Variants in LRMDA observed in about 807,000 individuals in gnomAD.
LRMDA encodes the protein leucine rich melanocyte differentiation associated.
LRMDA carries 18 observed loss-of-function variants against 29.8 expected under a neutral mutation model. That is an observed-to-expected ratio of 0.60 (90% CI 0.42 to 0.90). The LOEUF is 0.90. Among genes scored for constraint, LRMDA ranks in the 40% least tolerant of loss-of-function variants. The pLI is 0.00. For synonymous variants in LRMDA, 125 were observed against 109.4 expected, an observed-to-expected ratio of 1.14 and a Z score of -0.89; for missense variants, 273 against 273.9, an observed-to-expected ratio of 1.00 and a Z score of 0.02.
chr10:75,668,433 C>A (rs1052364217), intron 2 of LRMDA, among the ~76,000 whole-genome samples: 1 of 152,128 alleles, frequency 6.6e-6, no homozygotes, highest in Non-Finnish European at 1.5e-5. Flanking sequence ...GAAGTATGGA[C>A]AAGTGCCCAT....
chr10:76,149,791 C>G (rs979792773), intron 5 of LRMDA, among the ~76,000 whole-genome samples: 1 of 152,122 alleles, frequency 6.6e-6, no homozygotes, highest in African/African-American at 2.4e-5. Flanking sequence ...TGCAAATGTC[C>G]CTGGAGGGGG....
intron 6 of LRMDA, among the ~76,000 whole-genome samples, chr10:76,387,672 C>T (rs114746479): frequency 1.2e-3 from 177 of 150,018 alleles, no homozygotes; most frequent in African/African-American, 4.0e-3. Context: ...TCTTTTTAAA[C>T]TTAAATTTAA....
At chr10:75,906,817 T>C (rs1845766640) in intron 2 of LRMDA, among the ~76,000 whole-genome samples, 1 of 152,242 alleles carries the variant, frequency 6.6e-6, no homozygotes. Context: ...AAACACAAGA[T>C]GCTTTACTTC....
chr10:76,006,304 G>C lies in LRMDA; in HGVS notation c.132-29704G>C, dbSNP rs942092. Among the ~76,000 whole-genome samples, 317 of 152,134 alleles carry C rather than the reference G, an allele frequency of 2.1e-3. 3 individuals are homozygous for C. Among genetic ancestry groups the C allele is most frequent in the African/African-American group, 7.5e-3 (312 of 41,474 alleles). On this transcript the variant is annotated intron_variant, in intron 2 of 6. Coordinates refer to ENST00000611255, the MANE Select transcript of LRMDA (RefSeq NM_001305581.2). ...TCAGAGGAGTGAGGGTTTGAACTGA[G>C]TTCAGAAGGAGAGTCAGCCTGAGCT... is the stretch of plus-strand genomic sequence containing the variant.
intron 6 of LRMDA, among the ~76,000 whole-genome samples, chr10:76,552,942 G>A (rs998241218): frequency 2.0e-5 from 3 of 152,270 alleles, no homozygotes; most frequent in Non-Finnish European, 2.9e-5. Context: ...CACTTAGGCA[G>A]CCCCAAGGTT....
At chr10:76,076,345 CAA>C (rs397846101) in intron 5 of LRMDA, among the ~76,000 whole-genome samples, 1 of 50,026 alleles carries the variant, frequency 2.0e-5, no homozygotes, top group Non-Finnish European at 3.5e-5. Context: ...GACTCCATCT[CAA>C]AAAAAAAAAA....
At chr10:76,358,044 C>T (rs567784714) in intron 6 of LRMDA, among the ~76,000 whole-genome samples, 2 of 152,246 alleles carry the variant, frequency 1.3e-5, no homozygotes, top group African/African-American at 2.4e-5. Flanking sequence ...AATCAGAGAC[C>T]GCCATCCCAT....
intron 6 of LRMDA, chr10:76,396,668 T>C (rs1841787972): frequency 6.6e-6 from 1 of 152,180 alleles, no homozygotes; most frequent in Non-Finnish European, 1.5e-5. Flanking sequence ...CCACTAGAAC[T>C]GACTTATGGG....
At chr10:75,494,515 CTTTTT>C (rs34902194) in intron 2 of LRMDA, among the ~76,000 whole-genome samples, 381 of 102,870 alleles carry the variant, frequency 3.7e-3, no homozygotes, top group Non-Finnish European at 4.3e-3. Context: ...ATGTTTGTTC[CTTTTT>C]TTTTTTTTTT....
chr10:75,588,556 C>G (rs554970400), intron 2 of LRMDA, among the ~76,000 whole-genome samples: 87 of 152,212 alleles, frequency 5.7e-4, no homozygotes, highest in African/African-American at 2.0e-3. Flanking sequence ...GCAGGTCTAA[C>G]TCAATTGCGC....
chr10:75,904,811 G>A (rs1157504561), intron 2 of LRMDA, among the ~76,000 whole-genome samples: 1 of 152,186 alleles, frequency 6.6e-6, no homozygotes, highest in Non-Finnish European at 1.5e-5. Flanking sequence ...TGCAAGGACT[G>A]GTGGCAGTTA....
At chr10:76,003,135 T>A (rs1847588988) in intron 2 of LRMDA, among the ~76,000 whole-genome samples, 1 of 152,086 alleles carries the variant, frequency 6.6e-6, no homozygotes, top group Non-Finnish European at 1.5e-5. Context: ...TGCCCAGCAT[T>A]TAGAAAGCCA....
chr10:76,379,677 C>T (rs921273098), intron 6 of LRMDA, among the ~76,000 whole-genome samples: 11 of 151,826 alleles, frequency 7.2e-5, no homozygotes, highest in Admixed American at 2.0e-4. Flanking sequence ...TTTGTTTTAT[C>T]GATACTTTGT....
chr10:75,795,699 C>A (rs1843640959), intron 2 of LRMDA, among the ~76,000 whole-genome samples: 1 of 152,150 alleles, frequency 6.6e-6, no homozygotes, highest in South Asian at 2.1e-4. Context: ...TCTTTTGAAG[C>A]ATCTTTCACC....
At chr10:75,563,758 C>G (rs1354023901) in intron 2 of LRMDA, among the ~76,000 whole-genome samples, 4 of 152,088 alleles carry the variant, frequency 2.6e-5, no homozygotes, top group Non-Finnish European at 5.9e-5. Flanking sequence ...AGACAGGACC[C>G]TCAGCTGCAG....
intron 2 of LRMDA, among the ~76,000 whole-genome samples, chr10:75,890,507 G>A (rs554973424): frequency 3.4e-5 from 5 of 145,592 alleles, no homozygotes; most frequent in African/African-American, 4.9e-5. Context: ...ATATGAAGCC[G>A]ATCCAGGGTT....
At chr10:76,530,405 A>G (rs1843221954) in intron 6 of LRMDA, among the ~76,000 whole-genome samples, 1 of 152,216 alleles carries the variant, frequency 6.6e-6, no homozygotes, top group Non-Finnish European at 1.5e-5. Context: ...CCAAGGACTC[A>G]GGGATTTGAC....
intron 2 of LRMDA, among the ~76,000 whole-genome samples, chr10:75,573,447 CT>C (rs1840462028): frequency 6.6e-6 from 1 of 151,982 alleles, no homozygotes; most frequent in Non-Finnish European, 1.5e-5. Flanking sequence ...TTATGTCCTC[CT>C]AGCAATTTAT....
intron 2 of LRMDA, among the ~76,000 whole-genome samples, chr10:75,929,006 T>G (rs1368728716): frequency 6.6e-6 from 1 of 152,152 alleles, no homozygotes; most frequent in Non-Finnish European, 1.5e-5. Context: ...AACCACCAGA[T>G]TTGATTATTT....
Sources: gnomAD v4.1 joint callset for allele counts (sites outside exome capture counted in the v4.1 genomes callset) on GRCh38, gnomAD v4.1.1 for gene constraint, MANE v1.5 for transcripts, NCBI Gene and HGNC (gene_info 2026-07-23, HGNC 2026-07-21) for gene names.